IKZF2: variants seen among roughly 807,000 people sequenced by gnomAD.
IKZF2 encodes the protein zinc finger protein Helios.
A neutral mutation model predicts 49.2 loss-of-function variants in IKZF2; 15 were observed. The ratio of observed to expected loss-of-function variants is 0.30; its 90% CI spans 0.20 to 0.47. IKZF2 has a LOEUF of 0.47. IKZF2 is among the 20% of genes least tolerant of loss of function. The pLI is 1.00. For missense variants in IKZF2, 567 were observed against 664.6 expected (o/e 0.85, Z 1.61); for synonymous variants, 227 against 221.4 (o/e 1.03, Z -0.23).
At chr2:213,138,790 T>A (rs541621925) in intron 4 of IKZF2, among the ~76,000 whole-genome samples, 1 of 152,178 alleles carries the variant, frequency 6.6e-6, no homozygotes, top group East Asian at 1.9e-4. Flanking sequence ...TGCTATAAAA[T>A]CTCATTTGAT....
chr2:213,079,844 C>T (rs1460381977), intron 4 of IKZF2, among the ~76,000 whole-genome samples: 1 of 152,194 alleles, frequency 6.6e-6, no homozygotes, highest in Non-Finnish European at 1.5e-5. Flanking sequence ...CAGTTTGATG[C>T]CCAGCTTTCT....
At chr2:213,100,916 T>G (rs1186265524) in intron 4 of IKZF2, among the ~76,000 whole-genome samples, 2 of 152,056 alleles carry the variant, frequency 1.3e-5, no homozygotes, top group Admixed American at 6.6e-5. Flanking sequence ...GCTTTTCTAG[T>G]GCTTTATGAT....
chr2:213,039,600 T>C (rs185385518), intron 6 of IKZF2, among the ~76,000 whole-genome samples: 18 of 152,202 alleles, frequency 1.2e-4, no homozygotes, highest in South Asian at 2.1e-4. Flanking sequence ...ATGTTCAGAA[T>C]AGTTTAGGCA....
chr2:213,132,953 AGTCT>A lies in IKZF2; in HGVS notation c.139+14751_139+14754del, dbSNP rs1414668112. On this transcript the variant is annotated intron_variant, in intron 4 of 8. Coordinates refer to ENST00000434687, the MANE Select transcript of IKZF2 (RefSeq NM_001387220.1). ...CATTTCTTTTCAAACAAAAATTCTG[AGTCT>A]GTCTACCTGACAGCACTCAAACAGA... Among the ~76,000 whole-genome samples the A allele has an allele frequency of 2.0e-5, 3 of 152,356 alleles. No individual in the cohort carries two copies. The East Asian group carries it at 5.8e-4, about 29-fold the overall frequency.
rs569736605 is a variant in IKZF2 at position 213,060,362 on chromosome 2, C to G, written c.140-3263G>C. On this transcript the variant is annotated intron_variant, in intron 4 of 8. Transcript: ENST00000434687. ...TTTTGTTATAATATTCGTAGCTACA[C>G]TATATGATGCCACAACTATTGAATT... is the stretch of plus-strand genomic sequence containing the variant. Among the ~76,000 whole-genome samples, 13 of 151,398 alleles carry G rather than the reference C, an allele frequency of 8.6e-5. No individual in the cohort carries two copies. The South Asian group carries it at 2.7e-3, about 31-fold the overall frequency.
intron 4 of IKZF2, among the ~76,000 whole-genome samples, chr2:213,123,130 T>A (rs2060112312): frequency 6.6e-6 from 1 of 152,218 alleles, no homozygotes; most frequent in East Asian, 1.9e-4. Flanking sequence ...TACAACCACT[T>A]TCAGTAGACT....
intron 6 of IKZF2, among the ~76,000 whole-genome samples, chr2:213,035,787 G>A (rs780640985): frequency 2.0e-5 from 3 of 152,140 alleles, no homozygotes; most frequent in South Asian, 4.1e-4. Flanking sequence ...TAAAAGCAAT[G>A]GAAAACCATT....
At chr2:213,072,635 T>A (rs1237050589) in intron 4 of IKZF2, among the ~76,000 whole-genome samples, 1 of 49,948 alleles carries the variant, frequency 2.0e-5, no homozygotes, top group Non-Finnish European at 4.5e-5. Flanking sequence ...TCTTGAAAGT[T>A]AAGTCTGTTA....
At chr2:213,095,686 T>C (rs1705893996) in intron 4 of IKZF2, among the ~76,000 whole-genome samples, 1 of 152,122 alleles carries the variant, frequency 6.6e-6, no homozygotes, top group South Asian at 2.1e-4. Flanking sequence ...AAGTTTCTTA[T>C]GGTAGAAATG....
At chr2:213,041,610 A>T (rs1699662276) in intron 6 of IKZF2, among the ~76,000 whole-genome samples, 1 of 152,086 alleles carries the variant, frequency 6.6e-6, no homozygotes, top group Admixed American at 6.5e-5. Flanking sequence ...CCACAACTTG[A>T]CTGTAATCTT....
At chr2:213,074,752 T>C (rs1394143084) in intron 4 of IKZF2, among the ~76,000 whole-genome samples, 3 of 152,184 alleles carry the variant, frequency 2.0e-5, no homozygotes, top group East Asian at 1.9e-4. Flanking sequence ...GCTACAGTAA[T>C]AGAATGCCAA....
rs115095547 is a variant in IKZF2, at chr2:213,150,903, G to C, written c.-120+510C>G. On this transcript the variant is annotated intron_variant, in intron 1 of 8. Transcript: ENST00000434687. ...TTACATGTGTCATACCAGGGTTTTTGGTTTTTTTTTTTTTTTAATTCCAAC... is the reference window on the plus strand; with the variant it reads ...TTACATGTGTCATACCAGGGTTTTTCGTTTTTTTTTTTTTTTAATTCCAAC... Among the ~76,000 whole-genome samples the C allele has an allele frequency of 8.4e-3, 1,244 of 148,046 alleles. 19 individuals carry two copies. Among genetic ancestry groups the C allele is most frequent in the African/African-American group, 0.029 (1,177 of 39,908 alleles).
At chr2:213,060,506 G>T (rs1442179286) in intron 4 of IKZF2, among the ~76,000 whole-genome samples, 2 of 151,160 alleles carry the variant, frequency 1.3e-5, no homozygotes, top group African/African-American at 4.8e-5. Context: ...TCATAAATGG[G>T]CTATAAAGAT....
chr2:213,147,018 C>T (rs755038959), intron 4 of IKZF2, among the ~76,000 whole-genome samples: 12 of 151,990 alleles, frequency 7.9e-5, no homozygotes, highest in Non-Finnish European at 1.8e-4. Flanking sequence ...AGTATTTTGT[C>T]TTCTGTCACT....
At chr2:213,134,147 T>C (rs1312223559) in intron 4 of IKZF2, among the ~76,000 whole-genome samples, 4 of 152,202 alleles carry the variant, frequency 2.6e-5, no homozygotes, top group African/African-American at 9.7e-5. Flanking sequence ...GAACCCTCAG[T>C]GCCTGTGTCT....
intron 4 of IKZF2, among the ~76,000 whole-genome samples, chr2:213,133,755 A>G (rs538119789): frequency 6.6e-5 from 10 of 151,456 alleles, no homozygotes; most frequent in Non-Finnish European, 1.5e-4. Context: ...ACTATTTTCC[A>G]GTAATGCTAA....
At chr2:213,053,414 C>A (rs934230414) in intron 5 of IKZF2, among the ~76,000 whole-genome samples, 2 of 152,086 alleles carry the variant, frequency 1.3e-5, no homozygotes, top group African/African-American at 4.8e-5. Context: ...TTCATAAACA[C>A]CTATTTCTAG....
In IKZF2 at chr2:213,022,083, G is replaced by A. The variant is rs985637785; in HGVS notation, c.622C>T (p.Arg208Cys). Residue 208 changes from arginine to cysteine, a missense_variant, in exon 7 of 9, where the codon CGC becomes TGC. Transcript: ENST00000434687. ...TCCTTGTGCTCCTCCAGTGAACTGC[G>A]CTGCTTGTAGCTTCGTCCACAGTAG... ...CNYCGRSYKQ[R>C]SSLEEHKERC... 5 of 1,613,450 alleles carry A rather than the reference G, an allele frequency of 3.1e-6. No homozygotes were observed. The highest frequency in any genetic ancestry group is 1.3e-5 in the African/African-American group (1 of 74,864).
At chr2:213,087,083 T>C (rs1387112384) in intron 4 of IKZF2, among the ~76,000 whole-genome samples, 4 of 152,154 alleles carry the variant, frequency 2.6e-5, no homozygotes, top group Admixed American at 6.5e-5. Context: ...AAAGTGGTAA[T>C]CTTAGGTTTT....
Sources: gnomAD v4.1 joint callset for allele counts (sites outside exome capture counted in the v4.1 genomes callset) on GRCh38, gnomAD v4.1.1 for gene constraint, MANE v1.5 for transcripts, NCBI Gene and HGNC (gene_info 2026-07-23, HGNC 2026-07-21) for gene names.